HACL2: variants seen among roughly 807,000 people sequenced by gnomAD.
HACL2 encodes 2-hydroxyacyl-CoA lyase 2.
At chr19:15,116,415 T>C in the HACL2 span, 1 of 1,613,662 alleles carries the variant, frequency 6.2e-7, no homozygotes. Context: ...CACCGAAAGG[T>C]CTGCTCCTTC....
the HACL2 span, chr19:15,122,951 AC>A: frequency 6.2e-7 from 1 of 1,604,560 alleles, no homozygotes; most frequent in South Asian, 1.1e-5. This position sits in a 1 kb window ranked among gnomAD's most constrained non-coding sequence, Gnocchi z 4.0. Context: ...AATGTCCCGC[AC>A]CCTCCGCACA....
chr19:15,116,588 C>A, the HACL2 span: 1 of 1,285,278 alleles, frequency 7.8e-7, no homozygotes. Context: ...CATCAGAGGC[C>A]TCAAAACAGC....
At chr19:15,119,849 C>T in the HACL2 span, 2 of 653,364 alleles carry the variant, frequency 3.1e-6, no homozygotes, top group Non-Finnish European at 5.2e-6. Context: ...CCGCGTCCAG[C>T]CAAAGGGCCG....
chr19:15,120,708 A>C, the HACL2 span, among the ~76,000 whole-genome samples: 1 of 152,214 alleles, frequency 6.6e-6, no homozygotes, highest in Non-Finnish European at 1.5e-5. Flanking sequence ...CATTGGCAGG[A>C]AACAGTCGGA....
At chr19:15,125,324 T>G in the HACL2 span, 5 of 488,876 alleles carry the variant, frequency 1.0e-5, no homozygotes, top group Non-Finnish European at 1.8e-5. Flanking sequence ...CCACCCAAAC[T>G]AGCCACCACA....
the HACL2 span, chr19:15,124,381 A>G: frequency 0.82 from 125,859 of 153,014 alleles, 52,357 homozygotes; most frequent in African/African-American, 0.94. Context: ...TTAGGGGGAC[A>G]CCTGTGGGGT....
At chr19:15,117,083 C>A in the HACL2 span, 42 of 165,084 alleles carry the variant, frequency 2.5e-4, no homozygotes, top group Admixed American at 1.2e-3. Context: ...GGCCTGCCGT[C>A]CATGGCTGCT....
the HACL2 span, chr19:15,115,680 A>G: frequency 5.6e-6 from 9 of 1,610,852 alleles, no homozygotes; most frequent in Non-Finnish European, 7.6e-6. Context: ...ATCTACAGGA[A>G]GATGATGAAG....
the HACL2 span, chr19:15,125,167 CTTGCCGCCAGTTTCT>C: frequency 1.6e-6 from 2 of 1,227,086 alleles, no homozygotes; most frequent in Non-Finnish European, 2.2e-6. Flanking sequence ...GGCCACGACC[CTTGCCGCCAGTTTCT>C]GTGCGGCCAC....
the HACL2 span, chr19:15,119,123 G>A: frequency 4.0e-5 from 61 of 1,518,728 alleles, 1 homozygote; most frequent in Non-Finnish European, 5.3e-5. Flanking sequence ...CAGGGTGAGG[G>A]GGTTCCTGGG....
At chr19:15,123,418 C>T in the HACL2 span, 3 of 1,614,218 alleles carry the variant, frequency 1.9e-6, no homozygotes, top group South Asian at 3.3e-5. This position sits in a 1 kb window ranked among gnomAD's most constrained non-coding sequence, Gnocchi z 5.1. Flanking sequence ...CGGCCGTGAC[C>T]TCATGGCGTG....
chr19:15,115,283 G>T, the HACL2 span: 1 of 1,614,146 alleles, frequency 6.2e-7, no homozygotes, highest in South Asian at 1.1e-5. Context: ...GCGGAAGTCC[G>T]TCCTCCCAAT....
the HACL2 span, chr19:15,118,102 G>A: frequency 6.4e-7 from 1 of 1,552,812 alleles, no homozygotes; most frequent in Non-Finnish European, 8.8e-7. Flanking sequence ...ATGCAAATGA[G>A]TCCCTGTTCC....
At chr19:15,121,410 C>A in the HACL2 span, among the ~76,000 whole-genome samples, 1 of 151,720 alleles carries the variant, frequency 6.6e-6, no homozygotes, top group East Asian at 1.9e-4. Context: ...CTGCCGCTCG[C>A]TAAATGTATG....
At chr19:15,119,132 G>C in the HACL2 span, 29 of 1,520,878 alleles carry the variant, frequency 1.9e-5, no homozygotes, top group African/African-American at 3.2e-4. Flanking sequence ...GGGGTTCCTG[G>C]GGGAAGGAGG....
chr19:15,118,110 T>C, the HACL2 span: 1 of 1,514,794 alleles, frequency 6.6e-7, no homozygotes. Flanking sequence ...GAGTCCCTGT[T>C]CCTCACCGAG....
the HACL2 span, chr19:15,116,334 A>G: frequency 6.2e-7 from 1 of 1,613,954 alleles, no homozygotes; most frequent in East Asian, 2.2e-5. Flanking sequence ...GCGACAGGAC[A>G]GCGAAGGTCA....
chr19:15,121,532 G>A, the HACL2 span, among the ~76,000 whole-genome samples: 2 of 152,038 alleles, frequency 1.3e-5, no homozygotes, highest in African/African-American at 2.4e-5. Context: ...AAGAAGAGAA[G>A]AGGCCAGGCG....
chr19:15,116,005 G>A, the HACL2 span: 1 of 1,614,104 alleles, frequency 6.2e-7, no homozygotes, highest in Non-Finnish European at 8.5e-7. Context: ...CCTCACCTCA[G>A]CATCTGGCCG....
Sources: gnomAD v4.1 joint callset for allele counts (sites outside exome capture counted in the v4.1 genomes callset) on GRCh38, gnomAD v4.1.1 for gene constraint, Gnocchi (gnomAD v3.1) non-coding constraint, MANE v1.5 for transcripts, NCBI Gene and HGNC (gene_info 2026-07-23, HGNC 2026-07-21) for gene names.